WDR59: variants seen among roughly 807,000 people sequenced by gnomAD.
The protein encoded by WDR59 is WD repeat domain 59, also known as GATOR2 complex protein WDR59.
Under a neutral mutation model 131.2 loss-of-function variants are expected in WDR59, and 100 were observed. The ratio of observed to expected loss-of-function variants is 0.76; its 90% CI spans 0.65 to 0.90. The LOEUF is 0.90. Ranked by LOEUF, WDR59 falls within the 40% of genes least tolerant of loss-of-function variation. The pLI is 0.00. For synonymous variants in WDR59, 601 were observed against 466.2 expected, an observed-to-expected ratio of 1.29 and a Z score of -3.72; for missense variants, 1,203 against 1,262.2, an observed-to-expected ratio of 0.95 and a Z score of 0.71.
At chr16:74,896,061 A>G (rs1004786918) in intron 18 of WDR59, among the ~76,000 whole-genome samples, 5 of 152,160 alleles carry the variant, frequency 3.3e-5, no homozygotes, top group Admixed American at 6.5e-5. Flanking sequence ...ATAACTGGTC[A>G]TCTCAAGTGA....
At chr16:74,957,315 G>C (rs1040702606) in intron 2 of WDR59, among the ~76,000 whole-genome samples, 1 of 151,826 alleles carries the variant, frequency 6.6e-6, no homozygotes, top group Non-Finnish European at 1.5e-5. Context: ...TGCTGACCTC[G>C]GGTGATCCAC....
chr16:74,946,801 T>C lies in WDR59; in HGVS notation c.445+1718A>G, dbSNP rs535956574. Among the ~76,000 whole-genome samples the C allele has an allele frequency of 3.7e-4, 57 of 152,282 alleles. 2 individuals are homozygous for C. The South Asian group carries it at 0.011, about 29-fold the overall frequency. ...CATCCAGCTGCTAATACAGTCATGA[T>C]GCTAAAGGCCTTTACATAAAAAGGC... On this transcript the variant is annotated intron_variant, in intron 6 of 25. Transcript: ENST00000262144.
chr16:74,941,029 G>C (rs1401764507), intron 7 of WDR59, among the ~76,000 whole-genome samples: 1 of 151,442 alleles, frequency 6.6e-6, no homozygotes, highest in Non-Finnish European at 1.5e-5. Context: ...GTGACAAACT[G>C]AATAAAACCA....
Position 74,885,713 on chromosome 16 carries a change from C to G in WDR59, c.2629G>C (p.Glu877Gln). The change falls in exon 25 of 26, where the codon GAG becomes CAG. Residue 877 changes from glutamate to glutamine, a missense_variant. Transcript: ENST00000262144. ...GEILYRWGLREKRAEVLKFVS... is the reference protein window; with the variant it reads ...GEILYRWGLRQKRAEVLKFVS... ...AACTTCAACACTTCAGCTCGCTTCT[C>G]TCTCAGACCCCAACGGTAGAGGATT... The G allele has an allele frequency of 6.2e-7, 1 of 1,614,170 alleles. No homozygotes were observed. Among genetic ancestry groups the G allele is most frequent in the African/African-American group, 1.3e-5 (1 of 75,046 alleles).
chr16:74,890,690 T>TC, intron 20 of WDR59, among the ~76,000 whole-genome samples: 1 of 152,126 alleles, frequency 6.6e-6, no homozygotes. Flanking sequence ...GAGGAATACC[T>TC]CCCCGACTTG....
intron 18 of WDR59, chr16:74,899,840 T>G: frequency 3.1e-6 from 3 of 975,342 alleles, no homozygotes; most frequent in Non-Finnish European, 4.2e-6. Context: ...AAATGAAAGC[T>G]TCCCACACAT....
rs1964036809 is a variant in WDR59, at chr16:74,872,909, T to A, written c.*1300A>T. 1 of 147,894 alleles carries A rather than the reference T, an allele frequency of 6.8e-6. No homozygotes were observed. The highest frequency in any genetic ancestry group is 1.5e-5 in the Non-Finnish European group (1 of 67,076). The allele number at this position is 147,894 out of a possible 1,614,324, so 9.2% of individuals were successfully genotyped here. Reference sequence around the variant, plus strand: ...CCACCACACCCGGCTATTTTTTTAATTTTTTTTTTCTTTTTTTGAGACAGA... The same window carrying A: ...CCACCACACCCGGCTATTTTTTTAAATTTTTTTTTCTTTTTTTGAGACAGA... On this transcript the variant is annotated 3_prime_UTR_variant, in exon 26 of 26. Coordinates refer to ENST00000262144, the MANE Select transcript of WDR59 (RefSeq NM_030581.4).
At chr16:74,903,384 C>T (rs537354805) in intron 18 of WDR59, among the ~76,000 whole-genome samples, 1 of 152,120 alleles carries the variant, frequency 6.6e-6, no homozygotes, top group South Asian at 2.1e-4. Flanking sequence ...ATGATAACTA[C>T]TTTAGGGACA....
chr16:74,889,228 C>T (rs1341424840), intron 21 of WDR59, among the ~76,000 whole-genome samples: 2 of 152,190 alleles, frequency 1.3e-5, no homozygotes, highest in Non-Finnish European at 2.9e-5. Context: ...ATAGTATACC[C>T]TAGTTTTCCA....
At chr16:74,919,943 C>G (rs1454119542) in intron 10 of WDR59, among the ~76,000 whole-genome samples, 24 of 152,220 alleles carry the variant, frequency 1.6e-4, no homozygotes, top group Non-Finnish European at 2.2e-4. Flanking sequence ...TGGTGGCACA[C>G]TCCTGTAGTG....
chr16:74,915,713 C>T lies in WDR59; in HGVS notation c.1224+157G>A, dbSNP rs908035956. 3.8e-5 allele frequency: 41 copies of T among 1,071,380 alleles called. 1 individual carries two copies. In the South Asian group the frequency reaches 4.5e-4, roughly 12 times the overall value. 66.4% of individuals were successfully genotyped at this position (1,071,380 alleles called of 1,614,324 possible). On this transcript the variant is annotated intron_variant, in intron 13 of 25. Transcript: ENST00000262144. ...TGCTGGGATTACAGGCGTGAGCCACCGCGCCTGGCCAGAAAACCCAGGAAA... is the reference window on the plus strand; with the variant it reads ...TGCTGGGATTACAGGCGTGAGCCACTGCGCCTGGCCAGAAAACCCAGGAAA...
intron 19 of WDR59, 57 bp downstream of exon 19, chr16:74,893,622 A>AG: frequency 6.7e-7 from 1 of 1,500,742 alleles, no homozygotes; most frequent in Non-Finnish European, 9.0e-7. Context: ...AAAAAAAAAA[A>AG]GTTTTGCTAA....
At chr16:74,880,816 A>C (rs888518434) in intron 25 of WDR59, among the ~76,000 whole-genome samples, 1 of 152,264 alleles carries the variant, frequency 6.6e-6, no homozygotes, top group Admixed American at 6.5e-5. Flanking sequence ...TTCCAGGAGG[A>C]AGTAAACTCC....
At chr16:74,929,219 C>T (rs1451121019) in intron 8 of WDR59, among the ~76,000 whole-genome samples, 5 of 152,270 alleles carry the variant, frequency 3.3e-5, no homozygotes, top group East Asian at 1.9e-4. Context: ...GGACTACAGG[C>T]GCCCGCCACC....
intron 6 of WDR59, among the ~76,000 whole-genome samples, chr16:74,945,295 T>C (rs977089076): frequency 2.0e-5 from 3 of 150,588 alleles, no homozygotes; most frequent in Non-Finnish European, 3.0e-5. Flanking sequence ...GCTAACACAG[T>C]GAAACCCTGT....
At position 74,888,188 on chromosome 16, in the gene WDR59, A is replaced by C; in HGVS notation, c.2327T>G (p.Val776Gly). The stretch of plus-strand genomic sequence containing the variant: ...ACTTACATATCGACTATGGGACACC[A>C]CAAGATTAGAAGAACGGTTAGGAAA... The part of the protein sequence containing the change: ...GPFPNRSSNL[V>G]VSHSRYPSFT... The change falls in exon 22 of 26, where the codon GTG becomes GGG. Residue 776 changes from valine (V) to glycine (G), a missense_variant. Coordinates refer to ENST00000262144, the MANE Select transcript of WDR59 (RefSeq NM_030581.4). 1 of 1,611,306 alleles carries C rather than the reference A, an allele frequency of 6.2e-7. No homozygotes were observed. The highest frequency in any genetic ancestry group is 8.5e-7 in the Non-Finnish European group (1 of 1,179,330).
rs777732079 is a variant in WDR59, at chr16:74,886,177, C to CAAA, written c.2546+90_2546+92dup. On this transcript the variant is annotated intron_variant, in intron 24 of 25. Coordinates refer to ENST00000262144, the MANE Select transcript of WDR59 (RefSeq NM_030581.4). ...TAGTGACCGGGTAAGATTCTGTGTC[C>CAAA]AAAAAAAAAAAAAGTAAGAGTTGTG... 2.9e-4 allele frequency: 297 copies of CAAA among 1,018,540 alleles called. 5 individuals are homozygous for CAAA. The African/African-American group carries it at 3.1e-3, about 11-fold the overall frequency. 63.1% of individuals were successfully genotyped at this position (1,018,540 alleles called of 1,614,324 possible).
At chr16:74,918,357 G>A (rs1361545049) in intron 10 of WDR59, among the ~76,000 whole-genome samples, 2 of 152,152 alleles carry the variant, frequency 1.3e-5, no homozygotes, top group South Asian at 2.1e-4. Flanking sequence ...AATACTAACT[G>A]GCAAATTAGC....
chr16:74,910,768 G>C (rs903523659), intron 14 of WDR59, among the ~76,000 whole-genome samples: 1 of 152,134 alleles, frequency 6.6e-6, no homozygotes, highest in African/African-American at 2.4e-5. Context: ...TCATCGCCAA[G>C]GTCTGATTTT....
Sources: gnomAD v4.1 joint callset for allele counts (sites outside exome capture counted in the v4.1 genomes callset) on GRCh38, gnomAD v4.1.1 for gene constraint, MANE v1.5 for transcripts, NCBI Gene and HGNC (gene_info 2026-07-23, HGNC 2026-07-21) for gene names.